The following MTCL3 variants were observed in gnomAD, a reference collection of about 807,000 sequenced individuals.
MTCL3 encodes MTCL family member 3.
At chr6:127,493,690 T>C in the MTCL3 span, among the ~76,000 whole-genome samples, 3 of 152,216 alleles carry the variant, frequency 2.0e-5, no homozygotes, top group Non-Finnish European at 1.5e-5. Flanking sequence ...GCCAAACTTA[T>C]TTCATCCTAT....
At chr6:127,473,217 T>A in the MTCL3 span, 1 of 1,406,968 alleles carries the variant, frequency 7.1e-7, no homozygotes, top group Non-Finnish European at 9.3e-7. Flanking sequence ...TTACTTCTTG[T>A]CTTGAAGGGT....
chr6:127,489,668 C>G, the MTCL3 span, among the ~76,000 whole-genome samples: 1 of 152,248 alleles, frequency 6.6e-6, no homozygotes, highest in South Asian at 2.1e-4. Context: ...CCACAACATC[C>G]CCTTAAGCCA....
At chr6:127,487,814 T>C in the MTCL3 span, among the ~76,000 whole-genome samples, 31,302 of 152,132 alleles carry the variant, frequency 0.21, 4,714 homozygotes, top group East Asian at 0.64. Flanking sequence ...CTCACTGAGT[T>C]AGAGTCATGC....
chr6:127,478,359 A>T, the MTCL3 span, among the ~76,000 whole-genome samples: 1 of 152,232 alleles, frequency 6.6e-6, no homozygotes, highest in Admixed American at 6.5e-5. Context: ...TGCTGAAAGG[A>T]CAGTGGAATG....
At chr6:127,475,950 G>C in the MTCL3 span, 4 of 1,612,372 alleles carry the variant, frequency 2.5e-6, no homozygotes, top group Middle Eastern at 1.7e-4. This position sits in a 1 kb window ranked among gnomAD's most constrained non-coding sequence, Gnocchi z 7.3. Context: ...CGTTGTCGTG[G>C]TGCCGCGCGC....
chr6:127,491,878 C>CA, the MTCL3 span, among the ~76,000 whole-genome samples: 1,195 of 59,892 alleles, frequency 0.02, 13 homozygotes, highest in African/African-American at 0.023. Flanking sequence ...GACCCTGTCT[C>CA]AAAAAAAAAA....
At chr6:127,501,228 A>G in the MTCL3 span, among the ~76,000 whole-genome samples, 2 of 152,250 alleles carry the variant, frequency 1.3e-5, no homozygotes, top group Non-Finnish European at 2.9e-5. Flanking sequence ...TACTTTCAGA[A>G]CGACTCTAGA....
chr6:127,478,646 G>C, the MTCL3 span, among the ~76,000 whole-genome samples: 1 of 152,136 alleles, frequency 6.6e-6, no homozygotes, highest in African/African-American at 2.4e-5. Context: ...AAGTGAGGAC[G>C]TGTGGATGAG....
chr6:127,479,599 A>T, the MTCL3 span, among the ~76,000 whole-genome samples: 1 of 152,252 alleles, frequency 6.6e-6, no homozygotes, highest in African/African-American at 2.4e-5. Context: ...CAAATAAAAA[A>T]GAGAATATCT....
the MTCL3 span, among the ~76,000 whole-genome samples, chr6:127,484,086 G>T: frequency 1.3e-5 from 2 of 152,168 alleles, no homozygotes; most frequent in Non-Finnish European, 2.9e-5. Context: ...ACCAAATCGA[G>T]GTTCTGAGGT....
At chr6:127,507,364 A>G in the MTCL3 span, among the ~76,000 whole-genome samples, 1 of 152,184 alleles carries the variant, frequency 6.6e-6, no homozygotes, top group East Asian at 1.9e-4. Flanking sequence ...TTTTATGTAA[A>G]TAAGAAATTT....
the MTCL3 span, among the ~76,000 whole-genome samples, chr6:127,488,160 GATT>G: frequency 6.6e-6 from 1 of 152,074 alleles, no homozygotes; most frequent in Non-Finnish European, 1.5e-5. Flanking sequence ...GGGGCCTTTG[GATT>G]ATGGCTTCCT....
chr6:127,489,688 C>T, the MTCL3 span, among the ~76,000 whole-genome samples: 1 of 152,260 alleles, frequency 6.6e-6, no homozygotes, highest in Non-Finnish European at 1.5e-5. Flanking sequence ...AAAGCTTAAC[C>T]CAGGGCAAGG....
At chr6:127,515,969 G>A in the MTCL3 span, 4 of 1,602,036 alleles carry the variant, frequency 2.5e-6, no homozygotes, top group East Asian at 4.5e-5. This position sits in a 1 kb window ranked among gnomAD's most constrained non-coding sequence, Gnocchi z 4.3. Flanking sequence ...GATGGAGAAG[G>A]GGAGGCCCCC....
chr6:127,480,860 T>A, the MTCL3 span, among the ~76,000 whole-genome samples: 1 of 152,214 alleles, frequency 6.6e-6, no homozygotes, highest in South Asian at 2.1e-4. Context: ...CCATCAGAGA[T>A]AGCCTGATCA....
the MTCL3 span, among the ~76,000 whole-genome samples, chr6:127,497,634 C>A: frequency 2.0e-5 from 3 of 152,050 alleles, no homozygotes; most frequent in Admixed American, 6.6e-5. Flanking sequence ...GAATTGTGCA[C>A]GTCAAGCTGT....
the MTCL3 span, among the ~76,000 whole-genome samples, chr6:127,496,218 A>G: frequency 6.6e-6 from 1 of 152,250 alleles, no homozygotes; most frequent in African/African-American, 2.4e-5. Flanking sequence ...AATATTTTTT[A>G]AAGAAAATTT....
the MTCL3 span, chr6:127,515,578 A>G: frequency 6.9e-7 from 1 of 1,445,086 alleles, no homozygotes; most frequent in Non-Finnish European, 9.1e-7. The surrounding 1 kb of genome is among the most constrained non-coding windows in gnomAD (Gnocchi z 4.3). Context: ...CTGCTCTTGG[A>G]GCTGCTGCGG....
the MTCL3 span, chr6:127,516,681 G>T: frequency 3.9e-6 from 6 of 1,520,932 alleles, no homozygotes; most frequent in Non-Finnish European, 5.3e-6. Context: ...CCTCTTCACC[G>T]CCGCCAACCT....
Sources: gnomAD v4.1 joint callset for allele counts (sites outside exome capture counted in the v4.1 genomes callset) on GRCh38, gnomAD v4.1.1 for gene constraint, Gnocchi (gnomAD v3.1) non-coding constraint, MANE v1.5 for transcripts, NCBI Gene and HGNC (gene_info 2026-07-23, HGNC 2026-07-21) for gene names.